The following BTRC variants were observed in gnomAD, a reference collection of about 807,000 sequenced individuals.
BTRC encodes F-box/WD repeat-containing protein 1A.
BTRC carries 42 observed loss-of-function variants against 85.5 expected under a neutral mutation model. The ratio of observed to expected loss-of-function variants is 0.49; its 90% confidence interval spans 0.38 to 0.64. BTRC has a LOEUF of 0.64. BTRC is among the 30% of genes least tolerant of loss of function. BTRC has a pLI of 0.00. For synonymous variants in BTRC, 255 were observed against 263.3 expected (o/e 0.97, Z 0.30); for missense variants, 594 against 743.5 (o/e 0.80, Z 2.34).
chr10:101,497,556 T>A (rs1179614574), intron 4 of BTRC, among the ~76,000 whole-genome samples: 3 of 151,684 alleles, frequency 2.0e-5, no homozygotes, highest in East Asian at 3.9e-4. Flanking sequence ...ATAAAAAAAA[T>A]TTATCCAGGC....
intron 1 of BTRC, among the ~76,000 whole-genome samples, chr10:101,429,833 G>A (rs1944355568): frequency 6.7e-6 from 1 of 150,200 alleles, no homozygotes; most frequent in South Asian, 2.1e-4. Flanking sequence ...TGCTGTCAAA[G>A]CCGTAGGGAT....
intron 1 of BTRC, among the ~76,000 whole-genome samples, chr10:101,425,385 A>G (rs567264221): frequency 1.3e-5 from 2 of 152,222 alleles, no homozygotes; most frequent in African/African-American, 2.4e-5. Flanking sequence ...ATACTCTTCA[A>G]CTTTCTTTGA....
chr10:101,482,598 C>T (rs1167982963), intron 4 of BTRC, among the ~76,000 whole-genome samples: 15 of 151,214 alleles, frequency 9.9e-5, no homozygotes, highest in Admixed American at 9.9e-4. Flanking sequence ...GGTTTCACCG[C>T]GTTGGCCGGG....
At chr10:101,354,085 A>G (rs1941955343), upstream of BTRC, 17 of 1,394,292 alleles carry the variant, frequency 1.2e-5, no homozygotes, top group African/African-American at 2.9e-5. Context: ...GGGCGGGGGG[A>G]AGGAAGAGGA....
At chr10:101,518,938 G>A (rs554169583) in intron 4 of BTRC, among the ~76,000 whole-genome samples, 1 of 152,190 alleles carries the variant, frequency 6.6e-6, no homozygotes, top group Non-Finnish European at 1.5e-5. Flanking sequence ...AATTCTGTGT[G>A]TAGTTCTGAG....
chr10:101,390,307 G>A (rs1018057134), intron 1 of BTRC, among the ~76,000 whole-genome samples: 1 of 146,386 alleles, frequency 6.8e-6, no homozygotes, highest in South Asian at 2.2e-4. Context: ...ATCAAACAAT[G>A]TTTATCAGTT....
chr10:101,525,865 T>G (rs1184195348), intron 5 of BTRC, 148 bp from the exon 6 acceptor site: 2 of 654,386 alleles, frequency 3.1e-6, no homozygotes, highest in Non-Finnish European at 4.8e-6. Context: ...TACCCAAGCC[T>G]CTGTTTGAAA....
intron 1 of BTRC, among the ~76,000 whole-genome samples, chr10:101,389,242 T>C (rs904074376): frequency 9.3e-5 from 14 of 150,380 alleles, no homozygotes; most frequent in South Asian, 2.1e-4. Flanking sequence ...CTTTTTCTTA[T>C]GCCGATATGC....
chr10:101,538,343 C>T lies in BTRC; in HGVS notation c.1628C>T (p.Ala543Val). 1.2e-6 allele frequency: 2 copies of T among 1,614,002 alleles called. No individual in the cohort carries two copies. Among genetic ancestry groups the T allele is most frequent in the Non-Finnish European group, 1.7e-6 (2 of 1,179,892 alleles). Reference protein sequence around the residue: ...LVAALDPRAPAGTLCLRTLVE... With the variant: ...LVAALDPRAPVGTLCLRTLVE... ...GCTGCTTTGGACCCCCGTGCTCCTGCAGGGACACTCTGTCTACGGACCCTT... is the reference window on the plus strand; with the variant it reads ...GCTGCTTTGGACCCCCGTGCTCCTGTAGGGACACTCTGTCTACGGACCCTT... Residue 543 changes from alanine to valine, a missense_variant, in exon 13 of 15, where the codon GCA becomes GTA. Around this residue, in one of 4 missense-constraint regions of BTRC, gnomAD observed 373 missense variants for 503.6 expected, o/e 0.74. Transcript: ENST00000370187.
chr10:101,430,682 A>G (rs1944378500), intron 2 of BTRC, among the ~76,000 whole-genome samples: 1 of 152,254 alleles, frequency 6.6e-6, no homozygotes, highest in Non-Finnish European at 1.5e-5. Context: ...TTGACATAGT[A>G]CAGCTTGACT....
At chr10:101,541,540 G>A (rs572729212) in intron 13 of BTRC, among the ~76,000 whole-genome samples, 2 of 152,232 alleles carry the variant, frequency 1.3e-5, no homozygotes, top group South Asian at 2.1e-4. Context: ...GATTACAGGC[G>A]TGAACCACCG....
intron 4 of BTRC, among the ~76,000 whole-genome samples, chr10:101,491,159 G>A (rs543425355): frequency 7.9e-5 from 12 of 152,144 alleles, no homozygotes; most frequent in Non-Finnish European, 1.5e-4. Flanking sequence ...GATCTTTCAA[G>A]GATCTAAGTT....
intron 3 of BTRC, among the ~76,000 whole-genome samples, chr10:101,467,632 GT>G (rs1428912475): frequency 1.3e-5 from 2 of 151,398 alleles, no homozygotes; most frequent in Non-Finnish European, 1.5e-5. Context: ...GTTGTTGTTG[GT>G]TTTTTTTACT....
chr10:101,508,013 A>G (rs747258755), intron 4 of BTRC, among the ~76,000 whole-genome samples: 6 of 152,204 alleles, frequency 3.9e-5, no homozygotes, highest in Non-Finnish European at 7.3e-5. Context: ...TCACCCTGGA[A>G]GCTATAAAGT....
chr10:101,485,964 G>A (rs1411850238), intron 4 of BTRC, among the ~76,000 whole-genome samples: 1 of 152,184 alleles, frequency 6.6e-6, no homozygotes, highest in East Asian at 1.9e-4. Context: ...AAAGTCAAAC[G>A]ATCAATTCGC....
chr10:101,543,615 C>CTTTTTTTT (rs60958588), intron 13 of BTRC, among the ~76,000 whole-genome samples: 1 of 147,072 alleles, frequency 6.8e-6, no homozygotes. Context: ...TTTTCATGCT[C>CTTTTTTTT]TTTTTTTTTT....
chr10:101,403,446 C>T (rs1301303331), intron 1 of BTRC, among the ~76,000 whole-genome samples: 1 of 152,092 alleles, frequency 6.6e-6, no homozygotes, highest in Non-Finnish European at 1.5e-5. Flanking sequence ...ATTTTATTTG[C>T]CATTATTTTG....
intron 11 of BTRC, 117 bp from the exon 12 acceptor site, chr10:101,536,426 G>T: frequency 1.4e-6 from 1 of 692,988 alleles, no homozygotes; most frequent in Non-Finnish European, 2.6e-6. Context: ...TATCTGTGTG[G>T]GTGGTGATTG....
intron 12 of BTRC, among the ~76,000 whole-genome samples, chr10:101,537,376 A>G (rs1409015387): frequency 5.9e-5 from 9 of 152,116 alleles, no homozygotes; most frequent in Admixed American, 5.2e-4. Context: ...AAAAGTACAA[A>G]AATTAGCCAG....
Sources: allele counts gnomAD v4.1 joint callset (sites outside exome capture counted in the v4.1 genomes callset), GRCh38; gene constraint gnomAD v4.1.1; regional missense constraint gnomAD v4.1.1; transcripts MANE v1.5; gene names NCBI Gene and HGNC (gene_info 2026-07-23, HGNC 2026-07-21).